Variants in TMEM163 observed in about 807,000 individuals in gnomAD.
TMEM163 encodes transmembrane protein 163.
Under a neutral mutation model 29.3 loss-of-function variants are expected in TMEM163, and 17 were observed. The observed-to-expected ratio is 0.58, with a 90% CI of 0.40 to 0.87. The LOEUF (loss-of-function observed/expected upper bound fraction) is 0.87, where lower values mean the gene tolerates loss of function less well. TMEM163 is among the 40% of genes least tolerant of loss of function. The pLI, the probability that TMEM163 is intolerant of heterozygous loss-of-function variation, is 0.00. For synonymous variants in TMEM163, 157 were observed against 160.6 expected, an observed-to-expected ratio of 0.98 and a Z score of 0.17; for missense variants, 303 against 381.5, an observed-to-expected ratio of 0.79 and a Z score of 1.71.
intron 2 of TMEM163, among the ~76,000 whole-genome samples, chr2:134,665,297 G>A (rs777037172): frequency 8.5e-5 from 13 of 152,186 alleles, no homozygotes; most frequent in Non-Finnish European, 1.6e-4. Context: ...GAAGGTCAAG[G>A]AGGAGCAAAG....
intron 2 of TMEM163, among the ~76,000 whole-genome samples, chr2:134,572,320 A>G (rs1241282955): frequency 6.6e-6 from 1 of 152,218 alleles, no homozygotes; most frequent in Non-Finnish European, 1.5e-5. Context: ...ATGTGAAAAT[A>G]GCTCTGTTCT....
intron 4 of TMEM163, among the ~76,000 whole-genome samples, chr2:134,531,497 T>G (rs1432778978): frequency 1.3e-5 from 2 of 152,154 alleles, no homozygotes; most frequent in Non-Finnish European, 2.9e-5. Context: ...AGCCCCAGGG[T>G]GTTTTAACCT....
intron 5 of TMEM163, among the ~76,000 whole-genome samples, chr2:134,483,233 G>A (rs558890001): frequency 6.6e-6 from 1 of 152,256 alleles, no homozygotes; most frequent in South Asian, 2.1e-4. Context: ...TCCAACCCCT[G>A]AAGGTTGCCA....
Position 134,701,335 on chromosome 2 carries a change from C to T in TMEM163, c.322+11865G>A, listed in dbSNP as rs1684699732. ...AACTCCTAACACAGCAGTGTGAAAG[C>T]AAAAAGGCAACCCAATTTACACCTC... On this transcript the variant is annotated intron_variant, in intron 2 of 7. Coordinates refer to ENST00000281924, the MANE Select transcript of TMEM163 (RefSeq NM_030923.5). Among the ~76,000 whole-genome samples the T allele has an allele frequency of 2.0e-5, 3 of 152,212 alleles. No homozygotes were observed. In the South Asian group the frequency reaches 6.2e-4, roughly 32 times the overall value.
intron 2 of TMEM163, among the ~76,000 whole-genome samples, chr2:134,557,016 T>C (rs1681062559): frequency 1.3e-5 from 2 of 152,034 alleles, no homozygotes; most frequent in African/African-American, 4.8e-5. Flanking sequence ...AGAGGCTTCA[T>C]TGAGAAGGGG....
intron 2 of TMEM163, among the ~76,000 whole-genome samples, chr2:134,694,492 C>T (rs1684537714): frequency 6.6e-6 from 1 of 152,202 alleles, no homozygotes; most frequent in South Asian, 2.1e-4. Flanking sequence ...CCACTAAGAA[C>T]TTATTTCACC....
intron 5 of TMEM163, among the ~76,000 whole-genome samples, chr2:134,486,934 A>G (rs919559944): frequency 6.6e-6 from 1 of 152,246 alleles, no homozygotes; most frequent in Non-Finnish European, 1.5e-5. Context: ...TCACATCTTA[A>G]AGGAAAAGAA....
At chr2:134,652,091 G>A (rs1683493212) in intron 2 of TMEM163, among the ~76,000 whole-genome samples, 1 of 140,634 alleles carries the variant, frequency 7.1e-6, no homozygotes, top group African/African-American at 3.0e-5. Flanking sequence ...GAAAGTCATT[G>A]GTAGCTTTAT....
chr2:134,476,791 C>T (rs1686926860), intron 5 of TMEM163, among the ~76,000 whole-genome samples: 1 of 152,136 alleles, frequency 6.6e-6, no homozygotes, highest in Non-Finnish European at 1.5e-5. Context: ...GTTTTATCCT[C>T]TATTAAGCTT....
At chr2:134,698,812 G>T (rs1421488933) in intron 2 of TMEM163, among the ~76,000 whole-genome samples, 1 of 152,046 alleles carries the variant, frequency 6.6e-6, no homozygotes, top group East Asian at 1.9e-4. Flanking sequence ...AATTATTATT[G>T]CACTGTGGTC....
chr2:134,542,208 T>C (rs1213067659), intron 4 of TMEM163, among the ~76,000 whole-genome samples: 1 of 152,154 alleles, frequency 6.6e-6, no homozygotes, highest in African/African-American at 2.4e-5. Flanking sequence ...ATTTTCAAAA[T>C]TTTAGGGATA....
chr2:134,669,508 C>T (rs1683944301), intron 2 of TMEM163, among the ~76,000 whole-genome samples: 1 of 152,196 alleles, frequency 6.6e-6, no homozygotes, highest in South Asian at 2.1e-4. Context: ...ACCAAGTTCC[C>T]CATCCTGGGG....
At chr2:134,497,732 C>A (rs954174693) in intron 5 of TMEM163, among the ~76,000 whole-genome samples, 1 of 152,158 alleles carries the variant, frequency 6.6e-6, no homozygotes, top group African/African-American at 2.4e-5. Flanking sequence ...AGAGAGGAAG[C>A]GTGATTTGCT....
intron 2 of TMEM163, among the ~76,000 whole-genome samples, chr2:134,625,656 G>A (rs1682833147): frequency 6.6e-6 from 1 of 152,216 alleles, no homozygotes; most frequent in Non-Finnish European, 1.5e-5. Flanking sequence ...GGTCCTGACT[G>A]GCTGAAAATA....
intron 2 of TMEM163, among the ~76,000 whole-genome samples, chr2:134,697,851 G>A (rs907419773): frequency 2.0e-5 from 3 of 151,818 alleles, no homozygotes; most frequent in Non-Finnish European, 4.4e-5. Flanking sequence ...AAGACTTTTT[G>A]TATCTATATT....
At chr2:134,523,142 A>G (rs1221935375) in intron 4 of TMEM163, among the ~76,000 whole-genome samples, 1 of 152,228 alleles carries the variant, frequency 6.6e-6, no homozygotes, top group African/African-American at 2.4e-5. Context: ...TTTATTAACC[A>G]TGAACATGCT....
intron 4 of TMEM163, among the ~76,000 whole-genome samples, chr2:134,505,238 C>T (rs1375637566): frequency 2.4e-5 from 2 of 81,970 alleles, no homozygotes; most frequent in Admixed American, 1.3e-4. Context: ...CTGGGGAATT[C>T]CTTTTTTTTT....
At chr2:134,681,222 G>C (rs1020951394) in intron 2 of TMEM163, among the ~76,000 whole-genome samples, 1 of 152,162 alleles carries the variant, frequency 6.6e-6, no homozygotes, top group African/African-American at 2.4e-5. Flanking sequence ...GGTCACCGTG[G>C]CCATCTCTGA....
At chr2:134,589,256 C>G (rs1314404852) in intron 2 of TMEM163, among the ~76,000 whole-genome samples, 1 of 152,158 alleles carries the variant, frequency 6.6e-6, no homozygotes, top group African/African-American at 2.4e-5. Context: ...GGCATTTGAA[C>G]CAGAGCAACT....
Sources: allele counts gnomAD v4.1 joint callset (sites outside exome capture counted in the v4.1 genomes callset), GRCh38; gene constraint gnomAD v4.1.1; transcripts MANE v1.5; gene names NCBI Gene and HGNC (gene_info 2026-07-23, HGNC 2026-07-21).